ZNF197: variants seen among roughly 807,000 people sequenced by gnomAD.
ZNF197 encodes zinc finger protein 197, also known as VHL-associated KRAB-A domain-containing protein.
Under a neutral mutation model 27.4 loss-of-function variants are expected in ZNF197, and 14 were observed. That is an observed-to-expected ratio of 0.51 (90% CI 0.34 to 0.80). The LOEUF (loss-of-function observed/expected upper bound fraction) is 0.80, where lower values mean the gene tolerates loss of function less well. Ranked by LOEUF, ZNF197 falls within the 30% of genes least tolerant of loss-of-function variation. The probability of loss-of-function intolerance (pLI) is 0.02; values close to 1 mark genes in which losing one functional copy is unlikely to be tolerated. For synonymous variants in ZNF197, 415 were observed against 420.0 expected (o/e 0.99, Z 0.15); for missense variants, 1,090 against 1,222.6 (o/e 0.89, Z 1.62).
intron 5 of ZNF197, among the ~76,000 whole-genome samples, chr3:44,641,403 C>A (rs1464795786): frequency 2.0e-5 from 3 of 152,162 alleles, no homozygotes; most frequent in African/African-American, 7.2e-5. Flanking sequence ...TGGTTAATTG[C>A]TTTCAACCAG....
Position 44,640,262 on chromosome 3 carries a change from A to G in ZNF197, c.770-1638A>G, listed in dbSNP as rs995420004. Among the ~76,000 whole-genome samples, 16 of 152,230 alleles carry G rather than the reference A, an allele frequency of 1.1e-4. No homozygotes were observed. Among genetic ancestry groups the G allele is most frequent in the Non-Finnish European group, 2.1e-4 (14 of 68,038 alleles). On this transcript the variant is annotated intron_variant, in intron 5 of 5. Transcript: ENST00000344387. The surrounding 1 kb of genome is among the most constrained non-coding windows in gnomAD (Gnocchi z 4.0). The stretch of plus-strand genomic sequence containing the variant: ...TGATACAAGAGTTGCTAATTTCTTA[A>G]CCATTTTCCATCTCAGTTTAACTAC...
chr3:44,629,119 C>G lies in ZNF197; in HGVS notation c.-36C>G, dbSNP rs1053230792. On this transcript the variant is annotated 5_prime_UTR_variant, in exon 2 of 6. Transcript: ENST00000344387. ...AGGAAGAAGTCAAGGATTAAGGAGA[C>G]CTGGACTGGAGAGGAGCCTTTTTCA... is the stretch of plus-strand genomic sequence containing the variant. 22 of 1,568,160 alleles carry G rather than the reference C, an allele frequency of 1.4e-5. No individual in the cohort carries two copies. Among genetic ancestry groups the G allele is most frequent in the Middle Eastern group, 2.1e-4 (1 of 4,778 alleles).
rs1475046664 is a variant in ZNF197 at position 44,645,243 on chromosome 3, G to T, written c.*1023G>T. ...AAGTACTTTTTGAAATCATTCAGTT[G>T]TCAATAAAGTTGGATAAAAGAGGTT... On this transcript the variant is annotated 3_prime_UTR_variant, in exon 6 of 6. Coordinates refer to ENST00000344387, the MANE Select transcript of ZNF197 (RefSeq NM_006991.5). The T allele has an allele frequency of 1.0e-6, 1 of 985,202 alleles. No individual in the cohort carries two copies. Among genetic ancestry groups the T allele is most frequent in the Non-Finnish European group, 1.2e-6 (1 of 829,866 alleles). 61.0% of individuals were successfully genotyped at this position (985,202 alleles called of 1,614,324 possible).
chr3:44,640,243 A>C lies in ZNF197; in HGVS notation c.770-1657A>C, dbSNP rs1702522929. Among the ~76,000 whole-genome samples, 3 of 152,226 alleles carry C rather than the reference A, an allele frequency of 2.0e-5. No homozygotes were observed. The South Asian group carries it at 6.2e-4, about 32-fold the overall frequency. ...TAACCAGCTAATTAGCTACTGATAC[A>C]AGAGTTGCTAATTTCTTAACCATTT... On this transcript the variant is annotated intron_variant, in intron 5 of 5. Transcript: ENST00000344387. This position sits in a 1 kb window ranked among gnomAD's most constrained non-coding sequence, Gnocchi z 4.0.
chr3:44,625,756 A>ACACACACACACACG (rs1200275921), intron 1 of ZNF197, among the ~76,000 whole-genome samples: 13 of 18,234 alleles, frequency 7.1e-4, no homozygotes, highest in Non-Finnish European at 2.4e-3. Context: ...GCGCGCACAC[A>ACACACACACACACG]CACACACACA....
At position 44,635,313 on chromosome 3, in the gene ZNF197, A is replaced by G. The variant is rs150594529; in HGVS notation, c.769+2714A>G. The stretch of plus-strand genomic sequence containing the variant: ...GGGGCTTCGGGCAAGCAGATGCCCA[A>G]TGTTTATTCCCATTGACTTAGTAAC... On this transcript the variant is annotated intron_variant, in intron 5 of 5. Transcript: ENST00000344387. 3.5e-4 allele frequency among the ~76,000 whole-genome samples: 53 copies of G among 152,312 alleles called. No homozygotes were observed. In the East Asian group the frequency reaches 7.7e-3, roughly 22 times the overall value.
At chr3:44,626,747 G>A (rs890195886) in intron 1 of ZNF197, among the ~76,000 whole-genome samples, 1 of 152,146 alleles carries the variant, frequency 6.6e-6, no homozygotes, top group African/African-American at 2.4e-5. Context: ...ATTATAAATT[G>A]GTTCAATCCT....
rs963552806 is a variant in ZNF197, at chr3:44,630,685, C to T, written c.391-377C>T. The T allele has an allele frequency of 6.0e-5, 22 of 365,202 alleles. No individual in the cohort carries two copies. In the Admixed American group the frequency reaches 7.9e-4, roughly 13 times the overall value. 22.6% of individuals were successfully genotyped at this position (365,202 alleles called of 1,614,324 possible). On this transcript the variant is annotated intron_variant, in intron 2 of 5. Transcript: ENST00000344387. The stretch of plus-strand genomic sequence containing the variant: ...AGCACAAAGGGCTAGGTAAAGGGGT[C>T]AATAAGTAGATGGTAAATAAGTAGA...
intron 5 of ZNF197, among the ~76,000 whole-genome samples, chr3:44,633,974 G>T (rs1351217199): frequency 6.6e-6 from 1 of 152,076 alleles, no homozygotes; most frequent in Non-Finnish European, 1.5e-5. Context: ...GTATCCTTTA[G>T]TATCTCAGTA....
rs551966836 is a variant in ZNF197, at chr3:44,646,207, T to A, written c.*1987T>A. 1 of 980,104 alleles carries A rather than the reference T, an allele frequency of 1.0e-6. No homozygotes were observed. The highest frequency in any genetic ancestry group is 4.7e-5 in the South Asian group (1 of 21,192). 60.7% of individuals were successfully genotyped at this position (980,104 alleles called of 1,614,324 possible). On this transcript the variant is annotated 3_prime_UTR_variant, in exon 6 of 6. Coordinates refer to ENST00000344387, the MANE Select transcript of ZNF197 (RefSeq NM_006991.5). ...AGTTCTTGGAGCCTTGAATTCCTCATCTGTTAAACAGGAGGAAGAATATCT... is the reference window on the plus strand; with the variant it reads ...AGTTCTTGGAGCCTTGAATTCCTCAACTGTTAAACAGGAGGAAGAATATCT...
chr3:44,647,306 G>A lies in ZNF197; in HGVS notation c.*3086G>A, dbSNP rs1317265887. ...GCTTAACTTTTTTTTTTTAATGGTG[G>A]TAACTGCTGGCAAGGATGAAGAGAA... On this transcript the variant is annotated 3_prime_UTR_variant, in exon 6 of 6. Coordinates refer to ENST00000344387, the MANE Select transcript of ZNF197 (RefSeq NM_006991.5). 1 of 151,734 alleles carries A rather than the reference G, an allele frequency of 6.6e-6. No homozygotes were observed. The highest frequency in any genetic ancestry group is 1.5e-5 in the Non-Finnish European group (1 of 67,944). The allele number at this position is 151,734 out of a possible 1,614,324, so 9.4% of individuals were successfully genotyped here. A position where few individuals can be genotyped will look rare whatever the true frequency, so the allele number is the denominator to read the frequency against.
chr3:44,643,065 T>C lies in ZNF197; in HGVS notation c.1935T>C (p.Asn645=). 6.2e-7 allele frequency: 1 copy of C among 1,613,798 alleles called. No individual in the cohort carries two copies. Residue 645 remains asparagine, a synonymous_variant, in exon 6 of 6, where the codon AAT becomes AAC. Transcript: ENST00000344387. The part of the protein sequence containing the change: ...AYLFDHQRLH[N]GEKPYECNEC... ...TTTTTGACCACCAGAGACTCCACAA[T>C]GGGGAGAAGCCCTATGAATGTAATG...
chr3:44,632,817 A>C (rs1702086735), intron 5 of ZNF197, among the ~76,000 whole-genome samples: 1 of 151,350 alleles, frequency 6.6e-6, no homozygotes, highest in African/African-American at 2.4e-5. Context: ...ACATTGTTCC[A>C]AAGTGTGTGT....
chr3:44,633,318 A>AC (rs1702112032), intron 5 of ZNF197, among the ~76,000 whole-genome samples: 3 of 152,244 alleles, frequency 2.0e-5, no homozygotes, highest in Non-Finnish European at 4.4e-5. Context: ...AATACCTATC[A>AC]TGGTACAGCT....
At chr3:44,630,997 C>T (rs1422027692) in intron 2 of ZNF197, 65 bp from the exon 3 acceptor site, 19 of 1,607,168 alleles carry the variant, frequency 1.2e-5, no homozygotes, top group African/African-American at 1.3e-5. Context: ...AAGAGGTCCA[C>T]AGTGCTTAGG....
At chr3:44,625,970 T>C (rs1701639262) in intron 1 of ZNF197, among the ~76,000 whole-genome samples, 1 of 152,236 alleles carries the variant, frequency 6.6e-6, no homozygotes, top group African/African-American at 2.4e-5. Context: ...AATCCCTGAA[T>C]TCAGAATTTG....
intron 4 of ZNF197, 80 bp downstream of exon 4, chr3:44,632,276 A>G (rs1183680720): frequency 5.2e-6 from 8 of 1,551,342 alleles, no homozygotes; most frequent in African/African-American, 2.7e-5. Flanking sequence ...TTGTGCTTCA[A>G]TGTCCAGTCA....
rs750970895 is a variant in ZNF197, at chr3:44,643,028, A to C, written c.1898A>C (p.Gln633Pro). 6.2e-7 allele frequency: 1 copy of C among 1,613,930 alleles called. No individual in the cohort carries two copies. Among genetic ancestry groups the C allele is most frequent in the African/African-American group, 1.3e-5 (1 of 74,958 alleles). The change falls in exon 6 of 6, where the codon CAA (glutamine) becomes CCA (proline). Residue 633 changes from glutamine to proline, a missense_variant. Coordinates refer to ENST00000344387, the MANE Select transcript of ZNF197 (RefSeq NM_006991.5). ...KCTECGKAFT[Q>P]SAYLFDHQRL... ...ACTGAATGTGGGAAAGCCTTTACTC[A>C]AAGTGCTTACCTTTTTGACCACCAG...
rs1363149591 is a variant in ZNF197, at chr3:44,642,627, C to G, written c.1497C>G (p.Asp499Glu). 1 of 1,613,930 alleles carries G rather than the reference C, an allele frequency of 6.2e-7. No individual in the cohort carries two copies. Residue 499 changes from aspartate to glutamate, a missense_variant, in exon 6 of 6, where the codon GAC (aspartate) becomes GAG (glutamate). Coordinates refer to ENST00000344387, the MANE Select transcript of ZNF197 (RefSeq NM_006991.5). The part of the protein sequence containing the change: ...KVFSQNAYLI[D>E]HQRLHKGEEP... ...TCTCTCAGAATGCTTACCTCATTGACCATCAGAGGCTCCACAAAGGGGAAG... is the reference window on the plus strand; with the variant it reads ...TCTCTCAGAATGCTTACCTCATTGAGCATCAGAGGCTCCACAAAGGGGAAG...
Sources: allele counts gnomAD v4.1 joint callset (sites outside exome capture counted in the v4.1 genomes callset), GRCh38; gene constraint gnomAD v4.1.1; non-coding constraint Gnocchi (gnomAD v3.1); transcripts MANE v1.5; gene names NCBI Gene and HGNC (gene_info 2026-07-23, HGNC 2026-07-21).